Variants in ZNF391 observed in about 807,000 individuals in gnomAD.
ZNF391 encodes the protein zinc finger protein 391.
For missense variants in ZNF391, 375 were observed against 425.5 expected, an observed-to-expected ratio of 0.88 and a Z score of 1.04; for synonymous variants, 126 against 142.1, an observed-to-expected ratio of 0.89 and a Z score of 0.80.
Position 27,401,180 on chromosome 6 carries a change from A to C in ZNF391, c.810A>C (p.Thr270=), listed in dbSNP as rs1761955630. The change falls in exon 3 of 3, where the codon ACA becomes ACC. Residue 270 remains threonine, a synonymous_variant. Coordinates refer to ENST00000244576, the MANE Select transcript of ZNF391 (RefSeq NM_001076781.3). ...WISSLTEHQR[T]HTGENPYECS... is the part of the protein sequence containing the mutation. ...CATCGCTTACTGAACATCAGAGAAC[A>C]CACACTGGGGAGAACCCCTATGAGT... 5.6e-6 allele frequency: 9 copies of C among 1,614,074 alleles called. No homozygotes were observed. Among genetic ancestry groups the C allele is most frequent in the Non-Finnish European group, 7.6e-6 (9 of 1,180,030 alleles).
chr6:27,388,797 G>C lies in ZNF391; in HGVS notation c.-466G>C, dbSNP rs1388230208. ...TTTTGCAACTGGTCGTCCGCGTCAGGAGACTTAGGTCCAGGCGACTGCCCA... is the reference window on the plus strand; with the variant it reads ...TTTTGCAACTGGTCGTCCGCGTCAGCAGACTTAGGTCCAGGCGACTGCCCA... On this transcript the variant is annotated 5_prime_UTR_variant, in exon 1 of 3. Coordinates refer to ENST00000244576, the MANE Select transcript of ZNF391 (RefSeq NM_001076781.3). 2.4e-6 allele frequency: 1 copy of C among 417,072 alleles called. No individual in the cohort carries two copies. The highest frequency in any genetic ancestry group is 4.7e-6 in the Non-Finnish European group (1 of 214,360). 25.8% of individuals were successfully genotyped at this position (417,072 alleles called of 1,614,324 possible). A position where few individuals can be genotyped will look rare whatever the true frequency, so the allele number is the denominator to read the frequency against.
At chr6:27,389,154 G>A (rs770870786) in intron 1 of ZNF391, 79 bp downstream of exon 1, 3 of 456,584 alleles carry the variant, frequency 6.6e-6, no homozygotes, top group South Asian at 4.6e-5. Flanking sequence ...CGTGTGGTTT[G>A]GCTGCAGGTC....
upstream of ZNF391, among the ~76,000 whole-genome samples, chr6:27,384,147 T>C (rs1761546667): frequency 6.6e-6 from 1 of 152,030 alleles, no homozygotes; most frequent in Non-Finnish European, 1.5e-5. Context: ...ATAACAGAAG[T>C]TAAAACTTGG....
rs953236417 is a variant in ZNF391 at position 27,401,123 on chromosome 6, C to T, written c.753C>T (p.Cys251=). ...RIHTGENPYE[C]SKCGKAFSWI... ...ACACTGGAGAGAATCCCTATGAATGCAGTAAATGTGGAAAAGCTTTCAGTT... is the reference window on the plus strand; with the variant it reads ...ACACTGGAGAGAATCCCTATGAATGTAGTAAATGTGGAAAAGCTTTCAGTT... The change falls in exon 3 of 3, where the codon TGC becomes TGT. Residue 251 remains cysteine (C), a synonymous_variant. Transcript: ENST00000244576. The T allele has an allele frequency of 2.4e-5, 38 of 1,614,038 alleles. No individual in the cohort carries two copies. Among genetic ancestry groups the T allele is most frequent in the Non-Finnish European group, 3.1e-5 (37 of 1,180,040 alleles).
chr6:27,382,365 T>C lies in ZNF391; in HGVS notation n.523+7228T>C, dbSNP rs1761523526. Among the ~76,000 whole-genome samples, 3 of 152,018 alleles carry C rather than the reference T, an allele frequency of 2.0e-5. No individual in the cohort carries two copies. In the South Asian group the frequency reaches 6.2e-4, roughly 31 times the overall value. ...GGGAAACTCCGTCTCAAAAAATAAA[T>C]AAATAAATACAGAAGTTTTTAAAAA... is the stretch of plus-strand genomic sequence containing the variant. On this transcript the variant is annotated intron_variant and non_coding_transcript_variant, in intron 1 of 2. Coordinates refer to the ZNF391 transcript ENST00000477999.
At chr6:27,385,646 T>C (rs1486490974), upstream of ZNF391, among the ~76,000 whole-genome samples, 1 of 152,098 alleles carries the variant, frequency 6.6e-6, no homozygotes, top group African/African-American at 2.4e-5. Flanking sequence ...CAAAAACTGA[T>C]AGAACTTCAA....
chr6:27,382,717 A>C (rs1445619540), intron 1 of ZNF391, among the ~76,000 whole-genome samples: 1 of 152,230 alleles, frequency 6.6e-6, no homozygotes, highest in Non-Finnish European at 1.5e-5. Context: ...TAGAGATCAA[A>C]AGCACTGCAA....
At chr6:27,377,537 T>C (rs1761436017) in intron 1 of ZNF391, among the ~76,000 whole-genome samples, 1 of 152,254 alleles carries the variant, frequency 6.6e-6, no homozygotes. Context: ...TAACTGTTTA[T>C]GTAACACTTA....
At chr6:27,381,243 C>T (rs949563477) in intron 1 of ZNF391, among the ~76,000 whole-genome samples, 3 of 152,228 alleles carry the variant, frequency 2.0e-5, no homozygotes, top group South Asian at 2.1e-4. Flanking sequence ...GGCGAGAAAT[C>T]GAGCGCAGCG....
At chr6:27,375,197 T>C (rs1262757892) in intron 1 of ZNF391, 1 of 152,312 alleles carries the variant, frequency 6.6e-6, no homozygotes, top group Non-Finnish European at 1.5e-5. Flanking sequence ...GGTTTACCTG[T>C]CCGAAGAGAA....
chr6:27,379,549 C>T (rs1437692885), intron 1 of ZNF391, among the ~76,000 whole-genome samples: 1 of 152,160 alleles, frequency 6.6e-6, no homozygotes, highest in African/African-American at 2.4e-5. Flanking sequence ...TTTAAAATGA[C>T]ATGATCTCAC....
intron 1 of ZNF391, among the ~76,000 whole-genome samples, chr6:27,378,549 G>A (rs563768647): frequency 7.2e-5 from 11 of 152,194 alleles, no homozygotes; most frequent in South Asian, 2.1e-4. Flanking sequence ...GGCAAGGACC[G>A]GCTATTTTCA....
chr6:27,388,939 T>C lies in ZNF391; in HGVS notation c.-324T>C. The C allele has an allele frequency of 2.2e-6, 1 of 456,304 alleles. No individual in the cohort carries two copies. The highest frequency in any genetic ancestry group is 4.4e-6 in the Non-Finnish European group (1 of 226,858). 28.3% of individuals were successfully genotyped at this position (456,304 alleles called of 1,614,324 possible). ...TGGAGCAGCGGTTCGACGCATGGGTTTCTCTTTAATCCTTCCGACTTCCCC... is the reference window on the plus strand; with the variant it reads ...TGGAGCAGCGGTTCGACGCATGGGTCTCTCTTTAATCCTTCCGACTTCCCC... On this transcript the variant is annotated 5_prime_UTR_variant, in exon 1 of 3. Transcript: ENST00000244576.
intron 2 of ZNF391, among the ~76,000 whole-genome samples, chr6:27,399,791 G>T (rs183708227): frequency 1.1e-3 from 160 of 152,240 alleles, no homozygotes; most frequent in African/African-American, 3.7e-3. Context: ...AGGCAAATGG[G>T]GATAGCAGTG....
At chr6:27,392,109 C>T (rs1761726752) in intron 1 of ZNF391, among the ~76,000 whole-genome samples, 1 of 152,154 alleles carries the variant, frequency 6.6e-6, no homozygotes, top group Non-Finnish European at 1.5e-5. Flanking sequence ...GTTTATTTTT[C>T]CCTGGTTTCT....
upstream of ZNF391, among the ~76,000 whole-genome samples, chr6:27,385,557 TA>T (rs1408346508): frequency 6.6e-6 from 1 of 152,134 alleles, no homozygotes; most frequent in Admixed American, 6.5e-5. Context: ...GGGAATTATG[TA>T]ATGAGAAAAG....
chr6:27,401,582 C>A lies in ZNF391; in HGVS notation c.*135C>A. The stretch of plus-strand genomic sequence containing the variant: ...GATACCTATACCCGTTTTAAGCTTT[C>A]ATTCGTTCTTTCCATCCATCTATCC... On this transcript the variant is annotated 3_prime_UTR_variant, in exon 3 of 3. Coordinates refer to ENST00000244576, the MANE Select transcript of ZNF391 (RefSeq NM_001076781.3). 1.7e-6 allele frequency: 1 copy of A among 592,170 alleles called. No individual in the cohort carries two copies. Among genetic ancestry groups the A allele is most frequent in the Non-Finnish European group, 2.7e-6 (1 of 368,662 alleles). The allele number at this position is 592,170 out of a possible 1,614,324, so 36.7% of individuals were successfully genotyped here.
rs543019882 is a variant in ZNF391, at chr6:27,376,087, C to T, written n.523+950C>T. Among the ~76,000 whole-genome samples the T allele has an allele frequency of 9.5e-4, 144 of 152,246 alleles. No individual in the cohort carries two copies. Among genetic ancestry groups the T allele is most frequent in the Non-Finnish European group, 1.4e-3 (95 of 68,020 alleles). On this transcript the variant is annotated intron_variant and non_coding_transcript_variant, in intron 1 of 2. Transcript: ENST00000477999. This position sits in a 1 kb window ranked among gnomAD's most constrained non-coding sequence, Gnocchi z 4.7. ...TGAAGTGTGAAACAGTTGTATGTTT[C>T]CTGCCTCCAGGCCCTATTTTCCTGC...
chr6:27,392,476 T>C (rs1346282692), intron 1 of ZNF391, among the ~76,000 whole-genome samples: 1 of 152,190 alleles, frequency 6.6e-6, no homozygotes, highest in African/African-American at 2.4e-5. Flanking sequence ...AGTCTCGAAC[T>C]CCTGACCTCA....
Sources: allele counts gnomAD v4.1 joint callset (sites outside exome capture counted in the v4.1 genomes callset), GRCh38; gene constraint gnomAD v4.1.1; non-coding constraint Gnocchi (gnomAD v3.1); transcripts MANE v1.5; gene names NCBI Gene and HGNC (gene_info 2026-07-23, HGNC 2026-07-21).